GAS2: variants seen among roughly 807,000 people sequenced by gnomAD.
The protein encoded by GAS2 is growth arrest-specific protein 2.
A neutral mutation model predicts 37.5 loss-of-function variants in GAS2; 20 were observed. That is an observed-to-expected ratio of 0.53 (90% confidence interval 0.37 to 0.77). The LOEUF (loss-of-function observed/expected upper bound fraction) is 0.77, where lower values mean the gene tolerates loss of function less well. GAS2 is among the 30% of genes least tolerant of loss of function. The pLI is 0.00. For missense variants in GAS2, 336 were observed against 373.4 expected (o/e 0.90, Z 0.82); for synonymous variants, 144 against 132.2 (o/e 1.09, Z -0.61).
At chr11:22,669,344 C>T (rs1449098664) in intron 1 of GAS2, among the ~76,000 whole-genome samples, 3 of 152,022 alleles carry the variant, frequency 2.0e-5, no homozygotes, top group Non-Finnish European at 4.4e-5. Flanking sequence ...GTTAAAAAAA[C>T]CTATGCTAAA....
chr11:22,627,157 T>C (rs1381273253), intron 1 of GAS2, among the ~76,000 whole-genome samples: 1 of 152,252 alleles, frequency 6.6e-6, no homozygotes, highest in Non-Finnish European at 1.5e-5. Flanking sequence ...TTTTATTTTA[T>C]CCTAAGGATA....
intron 1 of GAS2, among the ~76,000 whole-genome samples, chr11:22,647,256 C>A (rs1174235349): frequency 6.6e-6 from 1 of 151,664 alleles, no homozygotes; most frequent in East Asian, 1.9e-4. Flanking sequence ...ATGAACTCAT[C>A]ATTTTTTATG....
At chr11:22,798,427 T>C (rs977438860) in intron 7 of GAS2, among the ~76,000 whole-genome samples, 1 of 152,018 alleles carries the variant, frequency 6.6e-6, no homozygotes, top group Non-Finnish European at 1.5e-5. Context: ...TTTATTCTGG[T>C]CATACAGCAA....
chr11:22,779,604 A>C (rs1855447466), intron 7 of GAS2, among the ~76,000 whole-genome samples: 1 of 152,162 alleles, frequency 6.6e-6, no homozygotes, highest in Non-Finnish European at 1.5e-5. Context: ...AGGCTGAGAC[A>C]GGAAAATTGC....
intron 1 of GAS2, among the ~76,000 whole-genome samples, chr11:22,650,162 C>A (rs1343696266): frequency 6.6e-6 from 1 of 151,630 alleles, no homozygotes; most frequent in Non-Finnish European, 1.5e-5. Context: ...TTTCTGCCTT[C>A]ATTTCGTTAT....
rs142023806 is a variant in GAS2, at chr11:22,704,561, C to T, written c.267+18772C>T. Among the ~76,000 whole-genome samples the T allele has an allele frequency of 1.2e-3, 155 of 127,334 alleles. 3 individuals carry two copies. In the East Asian group the frequency reaches 0.03, roughly 25 times the overall value. The allele number at this position is 127,334 out of a possible 152,430, so 83.5% of individuals were successfully genotyped here. Reference sequence around the variant, plus strand: ...CATTTATAATTGAAGGGATATTAAACTTCAATTAGAAGCCAGTGAAAATAA... The same window carrying T: ...CATTTATAATTGAAGGGATATTAAATTTCAATTAGAAGCCAGTGAAAATAA... On this transcript the variant is annotated intron_variant, in intron 3 of 7. Transcript: ENST00000454584.
intron 7 of GAS2, among the ~76,000 whole-genome samples, chr11:22,763,570 A>G (rs374965395): frequency 3.9e-5 from 6 of 151,902 alleles, no homozygotes; most frequent in African/African-American, 1.5e-4. Context: ...AGAAGCAGCC[A>G]TTACTCAGCA....
At chr11:22,640,446 A>G (rs1189348861) in intron 1 of GAS2, among the ~76,000 whole-genome samples, 2 of 152,132 alleles carry the variant, frequency 1.3e-5, no homozygotes, top group Non-Finnish European at 2.9e-5. Flanking sequence ...ATATAATTTC[A>G]TTTCTTATAA....
intron 1 of GAS2, among the ~76,000 whole-genome samples, chr11:22,636,361 G>C (rs1366036018): frequency 6.6e-6 from 1 of 152,020 alleles, no homozygotes; most frequent in East Asian, 1.9e-4. Flanking sequence ...CTACCTCACG[G>C]GCCCTGGTAA....
At chr11:22,720,924 G>A (rs1167185266) in intron 3 of GAS2, among the ~76,000 whole-genome samples, 1 of 151,928 alleles carries the variant, frequency 6.6e-6, no homozygotes, top group African/African-American at 2.4e-5. Flanking sequence ...TTGTTTTAAT[G>A]CTGCCTGGAC....
intron 7 of GAS2, among the ~76,000 whole-genome samples, chr11:22,807,631 C>A (rs73484297): frequency 0.019 from 2,890 of 152,256 alleles, 88 homozygotes; most frequent in African/African-American, 0.066. Flanking sequence ...CTATTGCTCT[C>A]TGCGTGGAAA....
At chr11:22,780,826 T>A (rs1855525375) in intron 7 of GAS2, among the ~76,000 whole-genome samples, 1 of 152,106 alleles carries the variant, frequency 6.6e-6, no homozygotes, top group Admixed American at 6.5e-5. Flanking sequence ...TTATAAGGAA[T>A]AGAATGTTTT....
intron 6 of GAS2, among the ~76,000 whole-genome samples, chr11:22,751,131 A>G (rs6483876): frequency 0.98 from 149,017 of 152,000 alleles, 73,118 homozygotes; most frequent in Middle Eastern, 1. Flanking sequence ...ATCCAAGCTC[A>G]TTCATATGTC....
chr11:22,715,284 A>G (rs976047277), intron 3 of GAS2, among the ~76,000 whole-genome samples: 1 of 151,722 alleles, frequency 6.6e-6, no homozygotes, highest in African/African-American at 2.4e-5. Context: ...ACATTTTGAA[A>G]CCCTGTCTCT....
At chr11:22,748,449 G>C (rs759608437) in intron 5 of GAS2, among the ~76,000 whole-genome samples, 1 of 152,010 alleles carries the variant, frequency 6.6e-6, no homozygotes, top group African/African-American at 2.4e-5. Flanking sequence ...CTCTCCCTTT[G>C]AACTTTTCTG....
chr11:22,665,510 T>C (rs1173383684), upstream of GAS2, among the ~76,000 whole-genome samples: 1 of 152,324 alleles, frequency 6.6e-6, no homozygotes, highest in East Asian at 1.9e-4. Context: ...CAAGCTGTTA[T>C]GTTGACCTTT....
intron 1 of GAS2, among the ~76,000 whole-genome samples, chr11:22,631,057 CTCT>C (rs1050834879): frequency 2.0e-5 from 3 of 152,000 alleles, no homozygotes; most frequent in African/African-American, 7.2e-5. Context: ...GAGATCTTTC[CTCT>C]TCTTTGTTAA....
At chr11:22,747,105 A>G (rs976092260) in intron 5 of GAS2, among the ~76,000 whole-genome samples, 1 of 152,190 alleles carries the variant, frequency 6.6e-6, no homozygotes, top group African/African-American at 2.4e-5. Flanking sequence ...TGTACATTTA[A>G]TACTTACATG....
intron 3 of GAS2, among the ~76,000 whole-genome samples, chr11:22,705,394 A>G (rs1851063661): frequency 6.6e-6 from 1 of 152,078 alleles, no homozygotes; most frequent in Admixed American, 6.6e-5. Flanking sequence ...GCCTTCCCTG[A>G]CCAACCTATA....
Sources: gnomAD v4.1 joint callset for allele counts (sites outside exome capture counted in the v4.1 genomes callset) on GRCh38, gnomAD v4.1.1 for gene constraint, MANE v1.5 for transcripts, NCBI Gene and HGNC (gene_info 2026-07-23, HGNC 2026-07-21) for gene names.